The following ZNF317 variants were observed in gnomAD, a reference collection of about 807,000 sequenced individuals.
The protein encoded by ZNF317 is KRAB-containing zinc finger protein 317.
ZNF317 carries 17 observed loss-of-function variants against 23.4 expected under a neutral mutation model. The ratio of observed to expected loss-of-function variants is 0.73; its 90% CI spans 0.50 to 1.09. The LOEUF (loss-of-function observed/expected upper bound fraction) is 1.09. Ranked by LOEUF, ZNF317 falls within the 50% of genes least tolerant of loss-of-function variation. ZNF317 has a pLI of 0.00. For synonymous variants in ZNF317, 317 were observed against 314.9 expected, an observed-to-expected ratio of 1.01 and a Z score of -0.07; for missense variants, 679 against 796.7, an observed-to-expected ratio of 0.85 and a Z score of 1.78.
intron 1 of ZNF317, among the ~76,000 whole-genome samples, chr19:9,155,383 G>C (rs2050773068): frequency 6.6e-6 from 1 of 152,208 alleles, no homozygotes; most frequent in Non-Finnish European, 1.5e-5. Context: ...TCTCTAAAGT[G>C]AGAGTTGATG....
rs2050863645 is a variant in ZNF317 at position 9,162,031 on chromosome 19, G to T, written c.*598G>T. The T allele has an allele frequency of 1.3e-5, 2 of 152,358 alleles. No individual in the cohort carries two copies. Among genetic ancestry groups the T allele is most frequent in the African/African-American group, 4.8e-5 (2 of 41,432 alleles). 9.4% of individuals were successfully genotyped at this position (152,358 alleles called of 1,614,324 possible). On this transcript the variant is annotated 3_prime_UTR_variant, in exon 7 of 7. Coordinates refer to ENST00000247956, the MANE Select transcript of ZNF317 (RefSeq NM_020933.5). ...GAAGAATGTTTGATGGAGAAAATTT[G>T]TGGCCAATGAAGTCTGAAATACTTC... is the stretch of plus-strand genomic sequence containing the variant.
chr19:9,159,405 C>T (rs1278224552), intron 6 of ZNF317, among the ~76,000 whole-genome samples: 2 of 146,768 alleles, frequency 1.4e-5, no homozygotes, highest in African/African-American at 2.6e-5. Flanking sequence ...GACAGGATTT[C>T]ACCATGTTGC....
intron 3 of ZNF317, 78 bp downstream of exon 3, chr19:9,156,826 G>A (rs1426478465): frequency 1.3e-6 from 2 of 1,534,498 alleles, no homozygotes; most frequent in Admixed American, 1.9e-5. Flanking sequence ...TGGAATTCTT[G>A]CAGAGCTTCA....
At chr19:9,157,223 G>C in intron 3 of ZNF317, 45 bp from the exon 4 acceptor site, 1 of 1,605,938 alleles carries the variant, frequency 6.2e-7, no homozygotes, top group Non-Finnish European at 8.5e-7. Flanking sequence ...CATGAACATC[G>C]TTAGGCTGGT....
chr19:9,154,080 T>C (rs1309605777), intron 1 of ZNF317, among the ~76,000 whole-genome samples: 1 of 152,042 alleles, frequency 6.6e-6, no homozygotes, highest in Non-Finnish European at 1.5e-5. Context: ...GAGACGGGGA[T>C]GGGCCTGGAG....
In ZNF317 at chr19:9,160,830, C is replaced by T. The variant is rs368386967; in HGVS notation, c.1185C>T (p.Cys395=). ...MVEKTYECKE[C]GKSFGDLVSR... Reference sequence around the variant, plus strand: ...AGAAGACCTACGAATGTAAAGAATGCGGGAAATCCTTTGGCGATCTCGTGT... The same window carrying T: ...AGAAGACCTACGAATGTAAAGAATGTGGGAAATCCTTTGGCGATCTCGTGT... The change falls in exon 7 of 7, where the codon TGC becomes TGT. Residue 395 remains cysteine (C), a synonymous_variant. Coordinates refer to ENST00000247956, the MANE Select transcript of ZNF317 (RefSeq NM_020933.5). The surrounding 1 kb of genome is among the most constrained non-coding windows in gnomAD (Gnocchi z 6.8). 6.2e-7 allele frequency: 1 copy of T among 1,614,110 alleles called. No individual in the cohort carries two copies. Among genetic ancestry groups the T allele is most frequent in the Non-Finnish European group, 8.5e-7 (1 of 1,180,026 alleles).
intron 1 of ZNF317, among the ~76,000 whole-genome samples, chr19:9,151,747 G>T (rs1349406336): frequency 6.6e-6 from 1 of 152,052 alleles, no homozygotes; most frequent in East Asian, 1.9e-4. Flanking sequence ...TTACTGGGTT[G>T]TCTTTGTTGT....
chr19:9,149,598 G>C (rs1218647466), intron 1 of ZNF317, among the ~76,000 whole-genome samples: 1 of 151,996 alleles, frequency 6.6e-6, no homozygotes, highest in Non-Finnish European at 1.5e-5. Context: ...CAGAGGAGCA[G>C]CAGGTGCACA....
At chr19:9,153,159 TG>T (rs2050751219) in intron 1 of ZNF317, among the ~76,000 whole-genome samples, 2 of 141,016 alleles carry the variant, frequency 1.4e-5, no homozygotes, top group African/African-American at 6.4e-5. Flanking sequence ...TTTGTTTGTT[TG>T]TTTGTTTGTT....
Position 9,156,720 on chromosome 19 carries a change from A to G in ZNF317, c.134A>G (p.Glu45Gly). The change falls in exon 3 of 7, where the codon GAG becomes GGG. Residue 45 changes from glutamate (E) to glycine (G), a missense_variant. Coordinates refer to ENST00000247956, the MANE Select transcript of ZNF317 (RefSeq NM_020933.5). ...NLDLFVCSGL[E>G]PHTPSVGSQE... Reference sequence around the variant, plus strand: ...GACCTGTTCGTGTGCAGTGGTCTGGAGCCTCACACACCCAGTGTTGGTTCC... The same window carrying G: ...GACCTGTTCGTGTGCAGTGGTCTGGGGCCTCACACACCCAGTGTTGGTTCC... 6.2e-7 allele frequency: 1 copy of G among 1,614,048 alleles called. No homozygotes were observed. The highest frequency in any genetic ancestry group is 1.3e-5 in the African/African-American group (1 of 75,006).
intron 1 of ZNF317, among the ~76,000 whole-genome samples, chr19:9,154,537 TG>T (rs1205674750): frequency 2.0e-5 from 3 of 152,200 alleles, no homozygotes; most frequent in South Asian, 2.1e-4. Flanking sequence ...GATTTCTCCA[TG>T]TAGTGTGTCT....
intron 1 of ZNF317, among the ~76,000 whole-genome samples, chr19:9,142,512 T>C (rs2050641771): frequency 6.6e-6 from 1 of 152,018 alleles, no homozygotes; most frequent in Admixed American, 6.6e-5. Context: ...CTTGAGTTTT[T>C]CTTGTGAATT....
chr19:9,157,933 TC>T (rs2050803457), intron 4 of ZNF317, 46 bp from the exon 5 acceptor site: 2 of 1,540,952 alleles, frequency 1.3e-6, no homozygotes, highest in Non-Finnish European at 1.8e-6. Context: ...GAAGGGGTTG[TC>T]CTCTGCATGG....
chr19:9,157,186 C>A, intron 3 of ZNF317, 82 bp from the exon 4 acceptor site: 1 of 1,551,922 alleles, frequency 6.4e-7, no homozygotes, highest in Non-Finnish European at 8.8e-7. Flanking sequence ...GTCTCTCATG[C>A]CCGGTCTTCA....
In ZNF317 at chr19:9,158,082, G is replaced by A. The variant is rs763519769; in HGVS notation, c.385+7G>A. On this transcript the variant is annotated splice_region_variant and intron_variant, in intron 5 of 6. Coordinates refer to ENST00000247956, the MANE Select transcript of ZNF317 (RefSeq NM_020933.5). ...CACCAGGGCGCTTGTGCAGGTGAGCGAGCCCCAGGCAAAGAGCGGTGCTGT... is the reference window on the plus strand; with the variant it reads ...CACCAGGGCGCTTGTGCAGGTGAGCAAGCCCCAGGCAAAGAGCGGTGCTGT... 9.7e-6 allele frequency: 15 copies of A among 1,549,292 alleles called. No homozygotes were observed. Among genetic ancestry groups the A allele is most frequent in the South Asian group, 3.6e-5 (3 of 83,868 alleles).
Position 9,160,099 on chromosome 19 carries a change from C to T in ZNF317, c.469-15C>T, listed in dbSNP as rs751212727. The T allele has an allele frequency of 3.7e-6, 6 of 1,613,210 alleles. No homozygotes were observed. Among genetic ancestry groups the T allele is most frequent in the Admixed American group, 1.7e-5 (1 of 59,990 alleles). ...TGAGAATTGCCTTTGTCAGCACTTA[C>T]GTCTTAACCAACAGGAAAGAGCCGG... On this transcript the variant is annotated splice_polypyrimidine_tract_variant and intron_variant, in intron 6 of 6. Transcript: ENST00000247956. The surrounding 1 kb of genome is among the most constrained non-coding windows in gnomAD (Gnocchi z 6.8).
Position 9,150,950 on chromosome 19 carries a change from C to G in ZNF317, c.-92-4975C>G, listed in dbSNP as rs972638065. 2.6e-5 allele frequency among the ~76,000 whole-genome samples: 4 copies of G among 152,188 alleles called. No individual in the cohort carries two copies. In the South Asian group the frequency reaches 8.3e-4, roughly 32 times the overall value. ...ATTCTCTGGGTACTTGAGAATAATT[C>G]CGGGAGGTTGTGAGGATTAAATAGG... On this transcript the variant is annotated intron_variant, in intron 1 of 6. Transcript: ENST00000247956.
Position 9,160,644 on chromosome 19 carries a change from C to T in ZNF317, c.999C>T (p.Pro333=). 1.2e-6 allele frequency: 2 copies of T among 1,614,042 alleles called. No individual in the cohort carries two copies. Among genetic ancestry groups the T allele is most frequent in the Non-Finnish European group, 1.7e-6 (2 of 1,180,012 alleles). The change falls in exon 7 of 7, where the codon CCC becomes CCT. Residue 333 remains proline, a synonymous_variant. Transcript: ENST00000247956. The surrounding 1 kb of genome is among the most constrained non-coding windows in gnomAD (Gnocchi z 6.8). ...AHKRTHTGER[P]YECHDCGKAF... is the part of the protein sequence containing the mutation. ...AGAGAACGCACACCGGAGAGAGGCCCTACGAGTGTCACGACTGTGGGAAAG... is the reference window on the plus strand; with the variant it reads ...AGAGAACGCACACCGGAGAGAGGCCTTACGAGTGTCACGACTGTGGGAAAG...
In ZNF317 at chr19:9,147,835, T is replaced by TC. The variant is rs892501995; in HGVS notation, c.-93+7250dup. The stretch of plus-strand genomic sequence containing the variant: ...ACAGTTTGGATGTGTATCCGCCCCC[T>TC]CCCCCCCTCCAAATCTCATATGGAA... On this transcript the variant is annotated intron_variant, in intron 1 of 6. Coordinates refer to ENST00000247956, the MANE Select transcript of ZNF317 (RefSeq NM_020933.5). 2.9e-4 allele frequency among the ~76,000 whole-genome samples: 44 copies of TC among 151,760 alleles called. 1 individual carries two copies. The highest frequency in any genetic ancestry group is 2.4e-3 in the Admixed American group (36 of 15,230).
Sources: allele counts gnomAD v4.1 joint callset (sites outside exome capture counted in the v4.1 genomes callset), GRCh38; gene constraint gnomAD v4.1.1; non-coding constraint Gnocchi (gnomAD v3.1); transcripts MANE v1.5; gene names NCBI Gene and HGNC (gene_info 2026-07-23, HGNC 2026-07-21).